ARB2A: variants seen among roughly 807,000 people sequenced by gnomAD.
ARB2A encodes cotranscriptional regulator ARB2A.
chr5:93,678,293 T>G, the ARB2A span, among the ~76,000 whole-genome samples: 1 of 152,216 alleles, frequency 6.6e-6, no homozygotes, highest in East Asian at 1.9e-4. Flanking sequence ...AACAAAATTA[T>G]AGAATTCAGT....
chr5:94,078,797 T>C, the ARB2A span, among the ~76,000 whole-genome samples: 1 of 152,010 alleles, frequency 6.6e-6, no homozygotes, highest in South Asian at 2.1e-4. Context: ...CACCATCTAG[T>C]AGCTAAGTGA....
the ARB2A span, among the ~76,000 whole-genome samples, chr5:93,798,427 T>C: frequency 2.0e-5 from 3 of 151,968 alleles, no homozygotes; most frequent in Non-Finnish European, 2.9e-5. Flanking sequence ...AGTCTGGGAG[T>C]GGGTGGGTTA....
chr5:93,717,835 C>CT, the ARB2A span, among the ~76,000 whole-genome samples: 1,645 of 136,260 alleles, frequency 0.012, 22 homozygotes, highest in African/African-American at 0.032. Context: ...AATTCATATT[C>CT]TTTTTTTTTT....
the ARB2A span, among the ~76,000 whole-genome samples, chr5:93,813,576 G>A: frequency 6.6e-6 from 1 of 152,144 alleles, no homozygotes; most frequent in Admixed American, 6.6e-5. Context: ...AGCATGGCGT[G>A]AACCACAAAC....
chr5:94,015,824 A>C, the ARB2A span, among the ~76,000 whole-genome samples: 1 of 152,202 alleles, frequency 6.6e-6, no homozygotes, highest in East Asian at 1.9e-4. Context: ...ACAAATTAAA[A>C]CACACTACCA....
At chr5:93,986,044 G>A in the ARB2A span, among the ~76,000 whole-genome samples, 2 of 149,240 alleles carry the variant, frequency 1.3e-5, no homozygotes, top group South Asian at 2.1e-4. Flanking sequence ...CACCCGTCTG[G>A]GATGTGAGGA....
the ARB2A span, among the ~76,000 whole-genome samples, chr5:93,628,723 A>G: frequency 6.6e-6 from 1 of 152,158 alleles, no homozygotes; most frequent in East Asian, 1.9e-4. Context: ...TGAAGTTTCC[A>G]ACTTTTCTTC....
chr5:93,631,682 C>T, the ARB2A span, among the ~76,000 whole-genome samples: 1 of 151,978 alleles, frequency 6.6e-6, no homozygotes, highest in Admixed American at 6.6e-5. Context: ...TTGAAAAGGG[C>T]TGGTAGAACT....
chr5:94,011,932 T>TA, the ARB2A span, among the ~76,000 whole-genome samples: 1 of 32,310 alleles, frequency 3.1e-5, no homozygotes, highest in Non-Finnish European at 6.2e-5. Flanking sequence ...AATTAAAGGG[T>TA]AGACAAAAAA....
chr5:93,797,068 TACA>T, the ARB2A span, among the ~76,000 whole-genome samples: 1 of 152,142 alleles, frequency 6.6e-6, no homozygotes, highest in African/African-American at 2.4e-5. Flanking sequence ...CAGTCCACTA[TACA>T]ACAAGTTTCC....
chr5:94,046,267 A>G, the ARB2A span, among the ~76,000 whole-genome samples: 1 of 151,994 alleles, frequency 6.6e-6, no homozygotes, highest in South Asian at 2.1e-4. Flanking sequence ...TCAGCTTCCT[A>G]TTTAGCCCTT....
chr5:93,940,047 G>A, the ARB2A span, among the ~76,000 whole-genome samples: 2 of 151,656 alleles, frequency 1.3e-5, no homozygotes, highest in Admixed American at 6.6e-5. Context: ...ATCTTTCTGA[G>A]GCATACTCAT....
the ARB2A span, among the ~76,000 whole-genome samples, chr5:93,745,062 C>A: frequency 2.0e-5 from 3 of 152,074 alleles, no homozygotes; most frequent in East Asian, 1.9e-4. Context: ...AGCAGAAATG[C>A]TAAAAAATAA....
At chr5:93,618,941 G>A in the ARB2A span, 5 of 152,274 alleles carry the variant, frequency 3.3e-5, no homozygotes, top group South Asian at 4.1e-4. Context: ...CAGAAGCTTC[G>A]CCAATTTAGC....
At chr5:93,845,949 G>C in the ARB2A span, among the ~76,000 whole-genome samples, 4 of 151,052 alleles carry the variant, frequency 2.6e-5, no homozygotes, top group Non-Finnish European at 5.9e-5. Flanking sequence ...AGCAACTTTG[G>C]GATGATCATT....
At chr5:94,087,105 T>A in the ARB2A span, among the ~76,000 whole-genome samples, 1 of 152,128 alleles carries the variant, frequency 6.6e-6, no homozygotes, top group South Asian at 2.1e-4. Context: ...CTAATACGTA[T>A]GTTTGTGTCT....
the ARB2A span, among the ~76,000 whole-genome samples, chr5:93,729,999 T>C: frequency 6.6e-5 from 10 of 152,266 alleles, no homozygotes. Context: ...ACCTTCTGTT[T>C]CTTAAATGTT....
At chr5:93,776,672 G>A in the ARB2A span, among the ~76,000 whole-genome samples, 1 of 152,124 alleles carries the variant, frequency 6.6e-6, no homozygotes, top group South Asian at 2.1e-4. Flanking sequence ...CAGTTACTTG[G>A]GAGGCTGAGG....
the ARB2A span, among the ~76,000 whole-genome samples, chr5:93,852,628 TG>T: frequency 6.6e-6 from 1 of 152,218 alleles, no homozygotes; most frequent in Non-Finnish European, 1.5e-5. Context: ...AATTAATTTT[TG>T]TATTAGGTGT....
Sources: allele counts gnomAD v4.1 joint callset (sites outside exome capture counted in the v4.1 genomes callset), GRCh38; gene constraint gnomAD v4.1.1; transcripts MANE v1.5; gene names NCBI Gene and HGNC (gene_info 2026-07-23, HGNC 2026-07-21).